OPA1: variants seen among roughly 807,000 people sequenced by gnomAD.
OPA1 encodes dynamin-like GTPase OPA1, mitochondrial.
Under a neutral mutation model 152.9 loss-of-function variants are expected in OPA1, and 59 were observed. That is an observed-to-expected ratio of 0.39 (90% CI 0.31 to 0.48). OPA1 has a LOEUF of 0.48. Among genes scored for constraint, OPA1 ranks in the 20% least tolerant of loss-of-function variants. The pLI, the probability that OPA1 is intolerant of heterozygous loss-of-function variation, is 0.96. For missense variants in OPA1, 1,008 were observed against 1,216.8 expected (o/e 0.83, Z 2.55); for synonymous variants, 400 against 389.9 (o/e 1.03, Z -0.31).
At chr3:193,642,628 G>A in intron 11 of OPA1, 137 bp from the exon 12 acceptor site, 2 of 696,336 alleles carry the variant, frequency 2.9e-6, no homozygotes, top group African/African-American at 1.8e-5. Context: ...GACAGCTTCA[G>A]GGGGTGCCCC....
chr3:193,618,678 A>AGTTTTTTTTTT, intron 5 of OPA1, 191 bp from the exon 6 acceptor site: 1 of 569,968 alleles, frequency 1.8e-6, no homozygotes, highest in Non-Finnish European at 3.1e-6. Flanking sequence ...TGCTATAGTT[A>AGTTTTTTTTTT]GTTTTTTTTT....
Position 193,666,332 on chromosome 3 carries a change from C to T in OPA1, c.2815C>T (p.Gln939Ter), listed in dbSNP as rs2109268057. 1 of 1,614,126 alleles carries T rather than the reference C, an allele frequency of 6.2e-7. No homozygotes were observed. Among genetic ancestry groups the T allele is most frequent in the Non-Finnish European group, 8.5e-7 (1 of 1,179,998 alleles). The change falls in exon 28 of 31, where the codon CAG (glutamine) becomes TAG (stop). Residue 939 changes from glutamine to a stop codon, truncating the protein, a stop_gained. Coordinates refer to ENST00000361510, the MANE Select transcript of OPA1 (RefSeq NM_130837.3). LOFTEE classifies it high-confidence loss of function. ...TGATGTGGTCTTGTTTTGGCGTATA[C>T]AGCGCATGCTTGCTATCACCGCAAA... ...CNDVVLFWRI[Q>*]RMLAITANTL...
chr3:193,683,584 ATTG>A (rs1403453415), intron 29 of OPA1, among the ~76,000 whole-genome samples: 1 of 152,090 alleles, frequency 6.6e-6, no homozygotes, highest in African/African-American at 2.4e-5. Context: ...GCAAACTACA[ATTG>A]TTGTCTTATT....
intron 21 of OPA1, among the ~76,000 whole-genome samples, chr3:193,649,624 T>C (rs1217878228): frequency 6.6e-6 from 1 of 152,222 alleles, no homozygotes; most frequent in African/African-American, 2.4e-5. Flanking sequence ...CTGTACCTAG[T>C]CTATTCACTC....
At chr3:193,599,491 T>C (rs1726136389) in intron 1 of OPA1, among the ~76,000 whole-genome samples, 1 of 152,080 alleles carries the variant, frequency 6.6e-6, no homozygotes, top group Non-Finnish European at 1.5e-5. Flanking sequence ...CTATGGAGTT[T>C]TGAACCACAG....
chr3:193,594,234 G>A (rs1725146013), intron 1 of OPA1, among the ~76,000 whole-genome samples: 5 of 152,108 alleles, frequency 3.3e-5, no homozygotes, highest in South Asian at 2.1e-4. Context: ...ATTGTTGCAG[G>A]CATTTGATAG....
intron 6 of OPA1, chr3:193,619,829 A>C (rs779612882): frequency 6.6e-6 from 1 of 152,220 alleles, no homozygotes; most frequent in African/African-American, 2.4e-5. Context: ...GAAAGAAGAA[A>C]TAATTTCTAT....
At position 193,617,252 on chromosome 3, in the gene OPA1, A is replaced by C. The variant is rs1729174080; in HGVS notation, c.523A>C (p.Ser175Arg). ...ACCAGACTTTGACAAGATTGTTGAAAGCCTTAGCTTATTGAAGGACTTTTT... is the reference window on the plus strand; with the variant it reads ...ACCAGACTTTGACAAGATTGTTGAACGCCTTAGCTTATTGAAGGACTTTTT... ...LAPDFDKIVESLSLLKDFFTS... is the reference protein window; with the variant it reads ...LAPDFDKIVERLSLLKDFFTS... Residue 175 changes from serine to arginine, a missense_variant, in exon 4 of 31, where the codon AGC (serine) becomes CGC (arginine). By Grantham distance (110) the Ser-to-Arg change is moderately radical. Coordinates refer to ENST00000361510, the MANE Select transcript of OPA1 (RefSeq NM_130837.3). The C allele has an allele frequency of 1.9e-6, 3 of 1,612,760 alleles. No homozygotes were observed. The African/African-American group carries it at 4.0e-5, about 22-fold the overall frequency.
chr3:193,645,854 T>A, intron 18 of OPA1, 54 bp downstream of exon 18: 1 of 1,341,352 alleles, frequency 7.5e-7, no homozygotes, highest in East Asian at 2.3e-5. Context: ...GTAGCTTAAA[T>A]TGAACTGTTT....
At chr3:193,683,647 C>T (rs1309875386) in intron 29 of OPA1, among the ~76,000 whole-genome samples, 1 of 152,150 alleles carries the variant, frequency 6.6e-6, no homozygotes, top group Admixed American at 6.5e-5. Context: ...CCACCCTGAT[C>T]AGTCAGCAGC....
intron 29 of OPA1, among the ~76,000 whole-genome samples, chr3:193,684,446 CTTTT>C (rs67027119): frequency 7.6e-5 from 8 of 105,912 alleles, no homozygotes; most frequent in African/African-American, 1.1e-4. Flanking sequence ...ATGGTACTAC[CTTTT>C]TTTTTTTTTT....
At chr3:193,610,865 G>A (rs571463975) in intron 1 of OPA1, among the ~76,000 whole-genome samples, 2 of 152,374 alleles carry the variant, frequency 1.3e-5, no homozygotes, top group African/African-American at 4.8e-5. Flanking sequence ...CTGGTGTGCT[G>A]TTTGCTAAGA....
intron 1 of OPA1, among the ~76,000 whole-genome samples, chr3:193,613,369 T>A (rs755444781): frequency 1.3e-4 from 20 of 152,050 alleles, no homozygotes; most frequent in Non-Finnish European, 2.5e-4. Context: ...AAAAAAAAAA[T>A]TTGTAAAATA....
At chr3:193,665,395 G>C (rs552628131) in intron 27 of OPA1, among the ~76,000 whole-genome samples, 1 of 152,040 alleles carries the variant, frequency 6.6e-6, no homozygotes, top group Non-Finnish European at 1.5e-5. Context: ...AAGTGTGTGT[G>C]TATCTGTGTG....
chr3:193,600,826 T>C (rs2108794495), intron 1 of OPA1, among the ~76,000 whole-genome samples: 1 of 152,326 alleles, frequency 6.6e-6, no homozygotes, highest in African/African-American at 2.4e-5. Flanking sequence ...AACCAACTGT[T>C]AGTTGCTCCT....
At chr3:193,648,755 T>C in intron 20 of OPA1, 40 bp from the exon 21 acceptor site, 4 of 1,345,582 alleles carry the variant, frequency 3.0e-6, no homozygotes, top group Non-Finnish European at 4.3e-6. Context: ...AAATTTACTG[T>C]CTTATGGAAA....
chr3:193,623,261 C>T (rs1299915831), intron 6 of OPA1, among the ~76,000 whole-genome samples: 1 of 152,132 alleles, frequency 6.6e-6, no homozygotes, highest in Non-Finnish European at 1.5e-5. Flanking sequence ...CCTCTCAATA[C>T]TATCACATTG....
At chr3:193,640,259 T>C (rs1733568400) in intron 11 of OPA1, among the ~76,000 whole-genome samples, 1 of 152,158 alleles carries the variant, frequency 6.6e-6, no homozygotes, top group South Asian at 2.1e-4. Context: ...TTCTGGGCAC[T>C]CTGAACATTA....
chr3:193,655,149 A>T, intron 22 of OPA1, 122 bp downstream of exon 22: 1 of 869,928 alleles, frequency 1.1e-6, no homozygotes, highest in Non-Finnish European at 1.8e-6. Flanking sequence ...TATCTCATTT[A>T]TTCTTTATTC....
Sources: allele counts gnomAD v4.1 joint callset (sites outside exome capture counted in the v4.1 genomes callset), GRCh38; gene constraint gnomAD v4.1.1; transcripts MANE v1.5; gene names NCBI Gene and HGNC (gene_info 2026-07-23, HGNC 2026-07-21).